ERBB4: variants seen among roughly 807,000 people sequenced by gnomAD.
ERBB4 encodes erb-b2 receptor tyrosine kinase 4.
In ERBB4, 42 loss-of-function variants were observed where a neutral mutation model predicts 158.0. The observed-to-expected ratio is 0.27, with a 90% confidence interval of 0.21 to 0.34. The LOEUF (loss-of-function observed/expected upper bound fraction) is 0.34. Ranked by LOEUF, ERBB4 falls within the 10% of genes least tolerant of loss-of-function variation. The pLI is 1.00. For synonymous variants in ERBB4, 583 were observed against 558.7 expected (o/e 1.04, Z -0.61); for missense variants, 1,333 against 1,624.1 (o/e 0.82, Z 3.08).
chr2:212,433,111 A>T (rs1016401621), intron 1 of ERBB4, among the ~76,000 whole-genome samples: 3 of 152,054 alleles, frequency 2.0e-5, no homozygotes, highest in African/African-American at 7.2e-5. Context: ...AGAGTTACAT[A>T]TTATGCATTC....
intron 1 of ERBB4, among the ~76,000 whole-genome samples, chr2:212,408,033 T>C (rs759883481): frequency 1.6e-4 from 25 of 151,968 alleles, no homozygotes; most frequent in Admixed American, 7.2e-4. Flanking sequence ...TCTATATTTA[T>C]AAATATATTA....
chr2:212,204,888 G>C (rs369567357), intron 1 of ERBB4, among the ~76,000 whole-genome samples: 1 of 142,180 alleles, frequency 7.0e-6, no homozygotes, highest in Non-Finnish European at 1.5e-5. Context: ...GCATGATCTC[G>C]GCTCACCACA....
In ERBB4 at chr2:212,374,047, TATATATATATCCATATATATCC is replaced by T. The variant is rs1560148083; in HGVS notation, c.82+164380_82+164401del. Among the ~76,000 whole-genome samples the T allele has an allele frequency of 3.9e-4, 41 of 106,234 alleles. 2 individuals are homozygous for T. The highest frequency in any genetic ancestry group is 5.7e-4 in the African/African-American group (17 of 30,060). The allele number at this position is 106,234 out of a possible 152,430, so 69.7% of individuals were successfully genotyped here. A position where few individuals can be genotyped will look rare whatever the true frequency, so the allele number is the denominator to read the frequency against. On this transcript the variant is annotated intron_variant, in intron 1 of 27. Coordinates refer to ENST00000342788, the MANE Select transcript of ERBB4 (RefSeq NM_005235.3). Reference sequence around the variant, plus strand: ...ATATATATATATCCATATATATCCATATATATATATCCATATATATCCATATATATATCCATATATATCCATA... The same window carrying T: ...ATATATATATATCCATATATATCCATATATATATATCCATATATATCCATA...
intron 20 of ERBB4, among the ~76,000 whole-genome samples, chr2:211,488,943 G>A (rs1182730372): frequency 6.6e-6 from 1 of 152,056 alleles, no homozygotes; most frequent in Non-Finnish European, 1.5e-5. Flanking sequence ...GCTAATTGTA[G>A]CTTTGATTCT....
intron 12 of ERBB4, among the ~76,000 whole-genome samples, chr2:211,680,787 T>C (rs1419216395): frequency 1.3e-5 from 2 of 152,234 alleles, no homozygotes; most frequent in Non-Finnish European, 2.9e-5. Context: ...ATCTTGCTAC[T>C]TCTTGAATAA....
At chr2:211,747,566 G>A (rs2075011713) in intron 5 of ERBB4, among the ~76,000 whole-genome samples, 1 of 152,110 alleles carries the variant, frequency 6.6e-6, no homozygotes, top group South Asian at 2.1e-4. Context: ...ATAGAAATAA[G>A]AGATGTTGGT....
At chr2:212,223,426 TA>T (rs56909454) in intron 1 of ERBB4, among the ~76,000 whole-genome samples, 20,756 of 100,724 alleles carry the variant, frequency 0.21, 1,646 homozygotes, top group South Asian at 0.42. Flanking sequence ...TATATATATA[TA>T]TTTTTTTTAT....
At chr2:211,438,052 C>T (rs537815040) in intron 20 of ERBB4, among the ~76,000 whole-genome samples, 1 of 152,238 alleles carries the variant, frequency 6.6e-6, no homozygotes, top group South Asian at 2.1e-4. Context: ...TTTTAACCAG[C>T]AGAAGCTGGT....
intron 2 of ERBB4, among the ~76,000 whole-genome samples, chr2:212,123,619 A>G (rs1211540887): frequency 6.6e-6 from 1 of 152,214 alleles, no homozygotes; most frequent in Non-Finnish European, 1.5e-5. Flanking sequence ...CATTTGCTTT[A>G]CTAGTCCAAC....
chr2:212,389,937 A>T (rs1394911551), intron 1 of ERBB4, among the ~76,000 whole-genome samples: 1 of 151,884 alleles, frequency 6.6e-6, no homozygotes, highest in Non-Finnish European at 1.5e-5. Flanking sequence ...TATTAAAAAA[A>T]AAAACTCTGC....
At chr2:212,109,719 T>C (rs1416780220) in intron 2 of ERBB4, among the ~76,000 whole-genome samples, 2 of 152,214 alleles carry the variant, frequency 1.3e-5, no homozygotes, top group Non-Finnish European at 2.9e-5. Flanking sequence ...GTTTCATGTG[T>C]ATATTTTAGG....
rs1273307450 is a variant in ERBB4, at chr2:211,905,187, G to A, written c.421+42243C>T. Reference sequence around the variant, plus strand: ...GGGTTAGCAGGGTTCTGGAGGGTCCGGAGAACAATCTGTTCACTTGCCTTT... The same window carrying A: ...GGGTTAGCAGGGTTCTGGAGGGTCCAGAGAACAATCTGTTCACTTGCCTTT... On this transcript the variant is annotated intron_variant, in intron 3 of 27. Transcript: ENST00000342788. Among the ~76,000 whole-genome samples the A allele has an allele frequency of 2.0e-5, 3 of 151,926 alleles. 1 individual carries two copies. The highest frequency in any genetic ancestry group is 4.2e-4 in the South Asian group (2 of 4,804).
intron 3 of ERBB4, among the ~76,000 whole-genome samples, chr2:211,790,275 G>A (rs922895870): frequency 6.6e-6 from 1 of 151,524 alleles, no homozygotes; most frequent in Non-Finnish European, 1.5e-5. Context: ...TGCTATCCAG[G>A]AAATAAAGGT....
intron 1 of ERBB4, among the ~76,000 whole-genome samples, chr2:212,268,486 A>G (rs1183317837): frequency 6.6e-6 from 1 of 151,924 alleles, no homozygotes; most frequent in Non-Finnish European, 1.5e-5. Context: ...ATCAAAATAC[A>G]CAGGGACATA....
chr2:211,787,371 T>C (rs2076188951), intron 4 of ERBB4, among the ~76,000 whole-genome samples: 1 of 152,224 alleles, frequency 6.6e-6, no homozygotes, highest in South Asian at 2.1e-4. Context: ...ACTTGCTTAT[T>C]ATTAAATCAT....
chr2:211,871,669 T>G (rs16847152), intron 3 of ERBB4, among the ~76,000 whole-genome samples: 1 of 151,942 alleles, frequency 6.6e-6, no homozygotes, highest in Non-Finnish European at 1.5e-5. Flanking sequence ...CAAAAGTGAA[T>G]AAAGAAAATC....
intron 25 of ERBB4, among the ~76,000 whole-genome samples, chr2:211,412,093 G>C (rs1386081298): frequency 7.0e-6 from 1 of 143,098 alleles, no homozygotes; most frequent in Non-Finnish European, 1.5e-5. Flanking sequence ...TTTCAGGAAG[G>C]CTAAGAGAAA....
At chr2:211,578,158 A>C (rs1309643046) in intron 19 of ERBB4, among the ~76,000 whole-genome samples, 2 of 152,130 alleles carry the variant, frequency 1.3e-5, no homozygotes, top group Non-Finnish European at 2.9e-5. Context: ...ATACACCAAC[A>C]ACAGGCAAGC....
At chr2:211,790,870 T>C (rs192842174) in intron 3 of ERBB4, among the ~76,000 whole-genome samples, 80 of 152,092 alleles carry the variant, frequency 5.3e-4, no homozygotes, top group African/African-American at 1.9e-3. Flanking sequence ...TCAGAGAATG[T>C]AGAATTTCAT....
Sources: allele counts gnomAD v4.1 joint callset (sites outside exome capture counted in the v4.1 genomes callset), GRCh38; gene constraint gnomAD v4.1.1; transcripts MANE v1.5; gene names NCBI Gene and HGNC (gene_info 2026-07-23, HGNC 2026-07-21).